PITPNC1: variants seen among roughly 807,000 people sequenced by gnomAD.
PITPNC1 encodes the protein phosphatidylinositol transfer protein cytoplasmic 1.
A neutral mutation model predicts 44.7 loss-of-function variants in PITPNC1; 18 were observed. That is an observed-to-expected ratio of 0.40 (90% CI 0.28 to 0.60). The LOEUF (loss-of-function observed/expected upper bound fraction) is 0.60. Ranked by LOEUF, PITPNC1 falls within the 20% of genes least tolerant of loss-of-function variation. PITPNC1 has a pLI of 0.39. For missense variants in PITPNC1, 290 were observed against 418.4 expected (o/e 0.69, Z 2.68); for synonymous variants, 141 against 149.6 (o/e 0.94, Z 0.42).
chr17:67,538,023 A>G (rs2040553483), intron 2 of PITPNC1, among the ~76,000 whole-genome samples: 1 of 152,000 alleles, frequency 6.6e-6, no homozygotes, highest in East Asian at 1.9e-4. Flanking sequence ...ATTCATATGA[A>G]CAATTTGGAA....
intron 6 of PITPNC1, among the ~76,000 whole-genome samples, chr17:67,645,453 C>T (rs1376029449): frequency 6.6e-6 from 1 of 152,110 alleles, no homozygotes; most frequent in African/African-American, 2.4e-5. Flanking sequence ...GTCTGTTACT[C>T]AAGGGCTGCG....
At chr17:67,434,700 C>T (rs1306763207) in intron 1 of PITPNC1, among the ~76,000 whole-genome samples, 1 of 151,016 alleles carries the variant, frequency 6.6e-6, no homozygotes, top group Non-Finnish European at 1.5e-5. Context: ...GTGATCCCAG[C>T]TACTCAGGAG....
At chr17:67,541,053 A>G (rs1598799545) in intron 2 of PITPNC1, among the ~76,000 whole-genome samples, 1 of 152,074 alleles carries the variant, frequency 6.6e-6, no homozygotes, top group East Asian at 1.9e-4. Flanking sequence ...CCTGCCTGCT[A>G]AAAATGCAAA....
At position 67,442,235 on chromosome 17, in the gene PITPNC1, A is replaced by ATG. The variant is rs1166199722; in HGVS notation, c.48+64034_48+64035insGT. 5.4e-5 allele frequency among the ~76,000 whole-genome samples: 7 copies of ATG among 128,472 alleles called. No homozygotes were observed. In the South Asian group the frequency reaches 1.6e-3, roughly 29 times the overall value. The allele number at this position is 128,472 out of a possible 152,430, so 84.3% of individuals were successfully genotyped here. A position where few individuals can be genotyped will look rare whatever the true frequency, so the allele number is the denominator to read the frequency against. ...TATATATATATATATATATATATAT[A>ATG]TATATATATATATGCATGAAAATAT... is the stretch of plus-strand genomic sequence containing the variant. On this transcript the variant is annotated intron_variant, in intron 1 of 8. Coordinates refer to ENST00000581322, the MANE Select transcript of PITPNC1 (RefSeq NM_012417.4).
At chr17:67,463,396 TTGAGCTTTCTC>T (rs1056120580) in intron 1 of PITPNC1, among the ~76,000 whole-genome samples, 1 of 152,184 alleles carries the variant, frequency 6.6e-6, no homozygotes, top group Admixed American at 6.6e-5. Flanking sequence ...GCAATATTGA[TTGAGCTTTCTC>T]TGAGCCCAAA....
intron 4 of PITPNC1, among the ~76,000 whole-genome samples, chr17:67,573,150 T>C (rs1044794057): frequency 7.2e-5 from 11 of 152,214 alleles, no homozygotes; most frequent in African/African-American, 2.7e-4. Context: ...GCGTTCATTC[T>C]GGACCTTTCA....
intron 5 of PITPNC1, among the ~76,000 whole-genome samples, chr17:67,579,614 ATTTT>A (rs558310588): frequency 0.031 from 2,722 of 88,754 alleles, 71 homozygotes; most frequent in African/African-American, 0.12. Flanking sequence ...TAAAATAGTG[ATTTT>A]TTTTTTTTTT....
chr17:67,614,666 C>T (rs1323722861), intron 5 of PITPNC1, among the ~76,000 whole-genome samples: 3 of 143,894 alleles, frequency 2.1e-5, no homozygotes, highest in East Asian at 2.0e-4. Context: ...AGTGAGACTC[C>T]GTCTCAAAAA....
chr17:67,500,661 A>ATTTT (rs11295455), intron 1 of PITPNC1, among the ~76,000 whole-genome samples: 1 of 146,988 alleles, frequency 6.8e-6, no homozygotes, highest in Non-Finnish European at 1.5e-5. Flanking sequence ...TTTTTTTAAG[A>ATTTT]TTTTTTTTTT....
chr17:67,633,449 T>G (rs1327102546), intron 6 of PITPNC1, among the ~76,000 whole-genome samples: 1 of 152,264 alleles, frequency 6.6e-6, no homozygotes. Context: ...AATGCTCGGC[T>G]GCTTAATTGC....
At position 67,695,985 on chromosome 17, in the gene PITPNC1, A is replaced by G. The variant is rs1196170225; in HGVS notation, c.*3097A>G. Reference sequence around the variant, plus strand: ...GACAAAGCAAAGGAAAAGGAACACAATGAAGGAGGCCGTGACATTTTTAGT... The same window carrying G: ...GACAAAGCAAAGGAAAAGGAACACAGTGAAGGAGGCCGTGACATTTTTAGT... On this transcript the variant is annotated 3_prime_UTR_variant, in exon 9 of 9. Transcript: ENST00000581322. 6.6e-6 allele frequency: 1 copy of G among 152,228 alleles called. No individual in the cohort carries two copies. Among genetic ancestry groups the G allele is most frequent in the African/African-American group, 2.4e-5 (1 of 41,472 alleles). 9.4% of individuals were successfully genotyped at this position (152,228 alleles called of 1,614,324 possible).
At chr17:67,410,292 T>C (rs2038475276) in intron 1 of PITPNC1, among the ~76,000 whole-genome samples, 1 of 152,246 alleles carries the variant, frequency 6.6e-6, no homozygotes, top group Non-Finnish European at 1.5e-5. Flanking sequence ...TTGATTTATT[T>C]TATTTTTTCA....
intron 1 of PITPNC1, among the ~76,000 whole-genome samples, chr17:67,436,920 T>TTG (rs2038946161): frequency 2.4e-5 from 3 of 125,796 alleles, no homozygotes; most frequent in Non-Finnish European, 5.2e-5. Flanking sequence ...TTTTTTTTTT[T>TTG]TTTTTTTTTT....
intron 1 of PITPNC1, among the ~76,000 whole-genome samples, chr17:67,434,239 CTG>C (rs1287731901): frequency 1.3e-5 from 2 of 152,210 alleles, no homozygotes; most frequent in Non-Finnish European, 2.9e-5. Context: ...CCACAGAGTC[CTG>C]TGTTACCCCT....
intron 5 of PITPNC1, among the ~76,000 whole-genome samples, chr17:67,614,232 C>T (rs1486095442): frequency 6.6e-6 from 1 of 152,126 alleles, no homozygotes; most frequent in African/African-American, 2.4e-5. Flanking sequence ...TTTATGTCCT[C>T]AGATCTTCTC....
intron 2 of PITPNC1, among the ~76,000 whole-genome samples, chr17:67,535,568 CATATTT>C (rs1000750447): frequency 6.6e-5 from 10 of 152,088 alleles, no homozygotes; most frequent in Non-Finnish European, 1.3e-4. Flanking sequence ...ATATTTATAT[CATATTT>C]ATTTAAAAGA....
intron 4 of PITPNC1, 162 bp from the exon 5 acceptor site, chr17:67,578,024 G>T: frequency 4.4e-6 from 3 of 680,732 alleles, no homozygotes; most frequent in Non-Finnish European, 8.1e-6. Flanking sequence ...TCCTAAAGGC[G>T]GCTTTCCTTT....
chr17:67,682,888 G>A (rs1326731300), intron 8 of PITPNC1, among the ~76,000 whole-genome samples: 1 of 152,160 alleles, frequency 6.6e-6, no homozygotes, highest in Non-Finnish European at 1.5e-5. Context: ...TGGGCCGGGT[G>A]TGGTGGCTCA....
chr17:67,631,644 AAAAAAAAAAAAAAAT>A (rs2041970871), intron 5 of PITPNC1, among the ~76,000 whole-genome samples: 2 of 28,504 alleles, frequency 7.0e-5, no homozygotes, highest in Non-Finnish European at 1.5e-4. Flanking sequence ...CCAAAAAAAA[AAAAAAAAAAAAAAAT>A]ATATATATAT....
Sources: gnomAD v4.1 joint callset for allele counts (sites outside exome capture counted in the v4.1 genomes callset) on GRCh38, gnomAD v4.1.1 for gene constraint, MANE v1.5 for transcripts, NCBI Gene and HGNC (gene_info 2026-07-23, HGNC 2026-07-21) for gene names.